Variants in MAGI1 observed in about 807,000 individuals in gnomAD.
MAGI1 encodes the protein membrane-associated guanylate kinase, WW and PDZ domain-containing protein 1.
Under a neutral mutation model 139.9 loss-of-function variants are expected in MAGI1, and 58 were observed. The observed-to-expected ratio is 0.41, with a 90% CI of 0.34 to 0.52. The LOEUF (loss-of-function observed/expected upper bound fraction) is 0.52. Ranked by LOEUF, MAGI1 falls within the 20% of genes least tolerant of loss-of-function variation. MAGI1 has a pLI of 0.12. For missense variants in MAGI1, 1,874 were observed against 1,901.6 expected (o/e 0.99, Z 0.27); for synonymous variants, 812 against 737.9 (o/e 1.10, Z -1.63).
chr3:65,594,098 G>T (rs2082082295), intron 2 of MAGI1, among the ~76,000 whole-genome samples: 1 of 152,072 alleles, frequency 6.6e-6, no homozygotes, highest in South Asian at 2.1e-4. Flanking sequence ...AAACTTTAAG[G>T]ATGTCAACCG....
At chr3:65,679,244 T>C (rs2087406781) in intron 1 of MAGI1, among the ~76,000 whole-genome samples, 1 of 152,208 alleles carries the variant, frequency 6.6e-6, no homozygotes, top group African/African-American at 2.4e-5. Context: ...ATGAATTCCA[T>C]ACAGTGAGAC....
chr3:65,593,296 A>G (rs1011270161), intron 2 of MAGI1, among the ~76,000 whole-genome samples: 1 of 152,230 alleles, frequency 6.6e-6, no homozygotes, highest in Non-Finnish European at 1.5e-5. Context: ...TATTTCATAC[A>G]GTCTTTGTCA....
At chr3:65,430,916 C>T in intron 10 of MAGI1, 35 bp from the exon 11 acceptor site, 1 of 1,587,720 alleles carries the variant, frequency 6.3e-7, no homozygotes, top group Non-Finnish European at 8.6e-7. Flanking sequence ...AGGAATGTCA[C>T]CACTGGTGAA....
intron 1 of MAGI1, among the ~76,000 whole-genome samples, chr3:65,982,533 A>G (rs890072013): frequency 2.0e-5 from 3 of 152,200 alleles, no homozygotes; most frequent in Admixed American, 6.5e-5. Flanking sequence ...AAATGATGGT[A>G]TATTTTAAAT....
chr3:65,634,899 T>A (rs1415717582), intron 1 of MAGI1, among the ~76,000 whole-genome samples: 1 of 152,166 alleles, frequency 6.6e-6, no homozygotes, highest in South Asian at 2.1e-4. Flanking sequence ...GGATGAGTTA[T>A]CATGATATCT....
At chr3:65,378,476 C>T (rs185317171) in intron 17 of MAGI1, among the ~76,000 whole-genome samples, 11 of 152,212 alleles carry the variant, frequency 7.2e-5, no homozygotes, top group Admixed American at 5.2e-4. Context: ...TATTTTTACT[C>T]CTTACACCTC....
At chr3:65,962,860 AAAG>A (rs745944231) in intron 1 of MAGI1, among the ~76,000 whole-genome samples, 102 of 151,090 alleles carry the variant, frequency 6.8e-4, no homozygotes, top group Non-Finnish European at 1.2e-3. Context: ...AGCAGAAGAA[AAAG>A]AAGAAGAAGA....
chr3:65,502,621 G>A (rs929857602), intron 2 of MAGI1, among the ~76,000 whole-genome samples: 19 of 152,172 alleles, frequency 1.2e-4, no homozygotes, highest in Admixed American at 1.2e-3. Context: ...TTTTCAGACA[G>A]CTGCCTTTTT....
At chr3:65,727,619 G>A (rs541672021) in intron 1 of MAGI1, among the ~76,000 whole-genome samples, 2 of 152,266 alleles carry the variant, frequency 1.3e-5, no homozygotes, top group East Asian at 3.9e-4. Flanking sequence ...TAATATATGT[G>A]AATGGCCTAA....
chr3:65,797,695 A>G (rs2040237453), intron 1 of MAGI1, among the ~76,000 whole-genome samples: 1 of 152,178 alleles, frequency 6.6e-6, no homozygotes, highest in East Asian at 1.9e-4. Flanking sequence ...CAGCTTGAGC[A>G]ACACAGTGAG....
At chr3:65,821,975 T>C (rs2041975334) in intron 1 of MAGI1, among the ~76,000 whole-genome samples, 1 of 152,180 alleles carries the variant, frequency 6.6e-6, no homozygotes, top group Admixed American at 6.5e-5. Context: ...ACCAGATCAC[T>C]CCTTTTATTC....
intron 1 of MAGI1, among the ~76,000 whole-genome samples, chr3:65,972,766 C>A (rs1204575584): frequency 6.6e-6 from 1 of 152,208 alleles, no homozygotes; most frequent in African/African-American, 2.4e-5. Context: ...CACATATACG[C>A]ATACACTTAA....
In MAGI1 at chr3:65,524,023, G is replaced by T. The variant is rs1448783984; in HGVS notation, c.431-30392C>A. Among the ~76,000 whole-genome samples the T allele has an allele frequency of 2.0e-5, 3 of 152,188 alleles. No homozygotes were observed. In the East Asian group the frequency reaches 5.8e-4, roughly 29 times the overall value. The stretch of plus-strand genomic sequence containing the variant: ...AAATGCTCAATGAAACTTTGAAAAG[G>T]GAAGAGAGGAAAGCAGAAAGGGAAG... On this transcript the variant is annotated intron_variant, in intron 2 of 22. Coordinates refer to ENST00000402939, the MANE Select transcript of MAGI1 (RefSeq NM_001033057.2).
At chr3:66,032,932 AAAC>A (rs1170483945) in intron 1 of MAGI1, among the ~76,000 whole-genome samples, 26 of 143,766 alleles carry the variant, frequency 1.8e-4, no homozygotes, top group South Asian at 6.5e-4. Flanking sequence ...AAAAAAAAAA[AAAC>A]AACAACAACA....
chr3:65,954,082 A>AT (rs2063994233), intron 1 of MAGI1, among the ~76,000 whole-genome samples: 1 of 151,980 alleles, frequency 6.6e-6, no homozygotes, highest in South Asian at 2.1e-4. Flanking sequence ...CCAACCCCCC[A>AT]TACTCCGGCA....
chr3:65,885,096 C>G (rs572626918), intron 1 of MAGI1, among the ~76,000 whole-genome samples: 2 of 151,898 alleles, frequency 1.3e-5, no homozygotes, highest in Non-Finnish European at 2.9e-5. Flanking sequence ...AAATAGATAC[C>G]TGGATGAAAA....
chr3:65,818,953 T>C (rs538089182), intron 1 of MAGI1, among the ~76,000 whole-genome samples: 33 of 152,330 alleles, frequency 2.2e-4, no homozygotes, highest in African/African-American at 4.6e-4. Flanking sequence ...TATTTAACTG[T>C]ACCCTCAGAA....
At chr3:65,677,572 G>C (rs183402316) in intron 1 of MAGI1, among the ~76,000 whole-genome samples, 6 of 152,332 alleles carry the variant, frequency 3.9e-5, no homozygotes, top group Admixed American at 3.9e-4. Context: ...CAGGAAGGTA[G>C]TTAAAAGTCA....
intron 2 of MAGI1, among the ~76,000 whole-genome samples, chr3:65,571,330 G>C (rs2080950687): frequency 6.6e-6 from 1 of 151,974 alleles, no homozygotes; most frequent in African/African-American, 2.4e-5. Context: ...TTGTGTTTCA[G>C]AAAATGTGGA....
Sources: gnomAD v4.1 joint callset for allele counts (sites outside exome capture counted in the v4.1 genomes callset) on GRCh38, gnomAD v4.1.1 for gene constraint, MANE v1.5 for transcripts, NCBI Gene and HGNC (gene_info 2026-07-23, HGNC 2026-07-21) for gene names.